Variants in AFAP1 observed in about 807,000 individuals in gnomAD.
The protein encoded by AFAP1 is actin filament-associated protein 1.
In AFAP1, 75 loss-of-function variants were observed where a neutral mutation model predicts 93.9. That is an observed-to-expected ratio of 0.80 (90% CI 0.66 to 0.97). The LOEUF is 0.97. Ranked by LOEUF, AFAP1 falls within the 50% of genes least tolerant of loss-of-function variation. The probability of loss-of-function intolerance (pLI) is 0.00; values close to 1 mark genes in which losing one functional copy is unlikely to be tolerated. For synonymous variants in AFAP1, 517 were observed against 430.7 expected (o/e 1.20, Z -2.48); for missense variants, 1,201 against 1,050.8 (o/e 1.14, Z -1.98).
Position 7,774,845 on chromosome 4 carries a change from CTG to C in AFAP1, c.1954_1955del (p.Gln652AspfsTer16). The C allele has an allele frequency of 1.2e-6, 2 of 1,614,220 alleles. No homozygotes were observed. The highest frequency in any genetic ancestry group is 8.5e-7 in the Non-Finnish European group (1 of 1,180,040). On this transcript the variant is annotated frameshift_variant, in exon 15 of 18. Coordinates refer to ENST00000420658, the MANE Select transcript of AFAP1 (RefSeq NM_001134647.2). LOFTEE classifies it high-confidence loss of function. ...TCTTCAGCAGCTCCTCCTCTTTGGT[CTG>C]TAGCCGCTTGGCATCTGCTTCTACC... ...NRVEADAKRLQTKEEELLKRK... is the reference protein window; with the variant it reads ...NRVEADAKRLXTKEEELLKRK...
intron 1 of AFAP1, among the ~76,000 whole-genome samples, chr4:7,934,057 A>C (rs1187239158): frequency 6.6e-6 from 1 of 152,192 alleles, no homozygotes; most frequent in African/African-American, 2.4e-5. Context: ...CTTACATCCA[A>C]AGGCAGGGCT....
At chr4:7,898,808 A>AGTGAGTGT (rs1553853360) in intron 1 of AFAP1, among the ~76,000 whole-genome samples, 52 of 137,026 alleles carry the variant, frequency 3.8e-4, no homozygotes, top group Non-Finnish European at 6.5e-4. Context: ...GGGCAGTAGA[A>AGTGAGTGT]GTGTGTGTGT....
intron 17 of AFAP1, among the ~76,000 whole-genome samples, chr4:7,768,404 A>G (rs910224480): frequency 6.6e-6 from 1 of 152,254 alleles, no homozygotes; most frequent in African/African-American, 2.4e-5. Context: ...CGATTCATGC[A>G]GCTGGCGGTG....
chr4:7,790,542 T>C (rs936738356), intron 11 of AFAP1, among the ~76,000 whole-genome samples: 2 of 152,226 alleles, frequency 1.3e-5, no homozygotes, highest in African/African-American at 2.4e-5. Context: ...GGACGTAGGA[T>C]AGGTTTTTAT....
chr4:7,833,340 G>A (rs1466977137), intron 6 of AFAP1, among the ~76,000 whole-genome samples: 4 of 152,032 alleles, frequency 2.6e-5, no homozygotes, highest in East Asian at 1.9e-4. Context: ...GTGGGCTAAG[G>A]ACATGAACAG....
At chr4:7,932,027 AT>A (rs1396447893) in intron 1 of AFAP1, among the ~76,000 whole-genome samples, 8 of 152,000 alleles carry the variant, frequency 5.3e-5, no homozygotes, top group African/African-American at 1.7e-4. Flanking sequence ...TGCCCGGCTA[AT>A]TTTTTGTATT....
intron 1 of AFAP1, among the ~76,000 whole-genome samples, chr4:7,937,920 T>C (rs1721484004): frequency 6.6e-6 from 1 of 152,222 alleles, no homozygotes; most frequent in South Asian, 2.1e-4. Flanking sequence ...CTTGGATTCA[T>C]GGTATTGAAA....
chr4:7,805,291 A>T (rs759613933), intron 9 of AFAP1, among the ~76,000 whole-genome samples: 5 of 152,212 alleles, frequency 3.3e-5, no homozygotes, highest in Non-Finnish European at 4.4e-5. Context: ...CCATTGAAAG[A>T]GCTTCATAAA....
Position 7,778,791 on chromosome 4 carries a change from G to T in AFAP1, c.1868C>A (p.Pro623His), listed in dbSNP as rs1317864791. The change falls in exon 14 of 18, where the codon CCC (proline) becomes CAC (histidine). Residue 623 changes from proline (P) to histidine (H), a missense_variant. By Grantham distance (77) the Pro-to-His change is moderately conservative. Transcript: ENST00000420658. Reference sequence around the variant, plus strand: ...ACCCGTCCTTTTCACAACAGCCGCGGGATCCGCTTTCTTTGGCTGACTGCT... The same window carrying T: ...ACCCGTCCTTTTCACAACAGCCGCGTGATCCGCTTTCTTTGGCTGACTGCT... ...TLSSQPKKAD[P>H]AAVVKRTGSN... The T allele has an allele frequency of 1.1e-5, 18 of 1,614,100 alleles. No homozygotes were observed. Among genetic ancestry groups the T allele is most frequent in the Non-Finnish European group, 1.4e-5 (17 of 1,180,046 alleles).
At chr4:7,904,578 T>G (rs6844956) in intron 1 of AFAP1, among the ~76,000 whole-genome samples, 66,665 of 152,046 alleles carry the variant, frequency 0.44, 15,631 homozygotes, top group African/African-American at 0.62. Context: ...TCTCTCATTT[T>G]TCATAGATGA....
chr4:7,779,678 T>A (rs1299402739), intron 13 of AFAP1, among the ~76,000 whole-genome samples: 1 of 152,202 alleles, frequency 6.6e-6, no homozygotes, highest in African/African-American at 2.4e-5. Context: ...GCTCTATCAA[T>A]CATTTAGGAG....
intron 1 of AFAP1, among the ~76,000 whole-genome samples, chr4:7,924,990 C>T (rs996967746): frequency 6.6e-6 from 1 of 152,164 alleles, no homozygotes; most frequent in South Asian, 2.1e-4. Flanking sequence ...GCCCCCACAA[C>T]AGCCTCCACC....
chr4:7,776,459 T>G (rs552926581), intron 14 of AFAP1: 2 of 152,312 alleles, frequency 1.3e-5, no homozygotes, highest in African/African-American at 4.8e-5. Flanking sequence ...AACAAAATGA[T>G]ACGACGCCTG....
chr4:7,766,696 C>T (rs1406381095), intron 17 of AFAP1, among the ~76,000 whole-genome samples: 1 of 152,118 alleles, frequency 6.6e-6, no homozygotes, highest in Non-Finnish European at 1.5e-5. Context: ...CTGGAGCAGC[C>T]CAGCGCCTGC....
chr4:7,770,649 C>CT (rs1715302569), intron 16 of AFAP1, among the ~76,000 whole-genome samples: 1 of 152,056 alleles, frequency 6.6e-6, no homozygotes, highest in South Asian at 2.1e-4. Flanking sequence ...GACAGAAAAG[C>CT]TGAAGACACA....
chr4:7,846,963 G>A (rs908916793), intron 4 of AFAP1, among the ~76,000 whole-genome samples: 3 of 152,216 alleles, frequency 2.0e-5, no homozygotes, highest in Non-Finnish European at 4.4e-5. Flanking sequence ...TGTTCTAGTA[G>A]CCCTTTCATC....
Position 7,918,680 on chromosome 4 carries a change from C to T in AFAP1, c.-3+20976G>A, listed in dbSNP as rs1443147530. On this transcript the variant is annotated intron_variant, in intron 1 of 17. Transcript: ENST00000420658. ...CCCAGGTCACCCGCAAACAGGGCTG[C>T]GGATAAGACACTCGGCCCAGGTCAC... Among the ~76,000 whole-genome samples the T allele has an allele frequency of 3.2e-5, 4 of 124,782 alleles. 1 individual carries two copies. The highest frequency in any genetic ancestry group is 2.9e-4 in the South Asian group (1 of 3,452). The allele number at this position is 124,782 out of a possible 152,430, so 81.9% of individuals were successfully genotyped here.
At chr4:7,934,447 G>A (rs977335049) in intron 1 of AFAP1, among the ~76,000 whole-genome samples, 5 of 152,194 alleles carry the variant, frequency 3.3e-5, no homozygotes, top group African/African-American at 1.2e-4. Flanking sequence ...ATCTGTATCC[G>A]TGTTTGTCAA....
chr4:7,765,445 A>C (rs1475232178), intron 17 of AFAP1, among the ~76,000 whole-genome samples: 1 of 152,176 alleles, frequency 6.6e-6, no homozygotes, highest in African/African-American at 2.4e-5. Flanking sequence ...TGTCACAGCA[A>C]TAGATGTACC....
Sources: gnomAD v4.1 joint callset for allele counts (sites outside exome capture counted in the v4.1 genomes callset) on GRCh38, gnomAD v4.1.1 for gene constraint, MANE v1.5 for transcripts, NCBI Gene and HGNC (gene_info 2026-07-23, HGNC 2026-07-21) for gene names.